AKAP1: variants seen among roughly 807,000 people sequenced by gnomAD.
The protein encoded by AKAP1 is A-kinase anchoring protein 1, also known as A-kinase anchor protein 1, mitochondrial.
AKAP1 carries 32 observed loss-of-function variants against 79.8 expected under a neutral mutation model. The observed-to-expected ratio is 0.40, with a 90% CI of 0.30 to 0.54. AKAP1 has a LOEUF of 0.54. Ranked by LOEUF, AKAP1 falls within the 20% of genes least tolerant of loss-of-function variation. The pLI is 0.47. For missense variants in AKAP1, 961 were observed against 1,138.9 expected, an observed-to-expected ratio of 0.84 and a Z score of 2.25; for synonymous variants, 416 against 466.7, an observed-to-expected ratio of 0.89 and a Z score of 1.40.
rs1055134471 is a variant in AKAP1, at chr17:57,105,684, G to A, written c.220G>A (p.Val74Ile). The change falls in exon 2 of 11, where the codon GTC (valine) becomes ATC (isoleucine). Residue 74 changes from valine to isoleucine, a missense_variant. Physicochemically the swap from Val to Ile is conservative, Grantham distance 29. Transcript: ENST00000337714. ...CAAAGTAGTGTCCACACCCCCCAGT[G>A]TCACAGAGCCTCCAGAAAAGGAACT... ...CPKVVSTPPS[V>I]TEPPEKELST... 1.2e-6 allele frequency: 2 copies of A among 1,614,032 alleles called. No homozygotes were observed. The highest frequency in any genetic ancestry group is 1.7e-5 in the Admixed American group (1 of 59,998).
chr17:57,114,168 C>T (rs1023147201), intron 5 of AKAP1, among the ~76,000 whole-genome samples: 3 of 152,290 alleles, frequency 2.0e-5, no homozygotes, highest in East Asian at 1.9e-4. Flanking sequence ...GCACTACCTC[C>T]GCAGTTGCTT....
intron 10 of AKAP1, 45 bp from the exon 11 acceptor site, chr17:57,120,205 C>G: frequency 6.3e-7 from 1 of 1,578,380 alleles, no homozygotes; most frequent in Non-Finnish European, 8.7e-7. Context: ...GGAGATGGCC[C>G]CAGGATGCCA....
In AKAP1 at chr17:57,107,019, T is replaced by C. The variant is rs757069789; in HGVS notation, c.1555T>C (p.Ser519Pro). 1 of 1,614,108 alleles carries C rather than the reference T, an allele frequency of 6.2e-7. No homozygotes were observed. The highest frequency in any genetic ancestry group is 8.5e-7 in the Non-Finnish European group (1 of 1,180,014). ...TTTCAGCACTTCAGGGCTTGAAGACTCTTGCACAGAGACCAGCTCGAGCCC... is the reference window on the plus strand; with the variant it reads ...TTTCAGCACTTCAGGGCTTGAAGACCCTTGCACAGAGACCAGCTCGAGCCC... The part of the protein sequence containing the change: ...DSFSTSGLED[S>P]CTETSSSPRD... The change falls in exon 2 of 11, where the codon TCT (serine) becomes CCT (proline). Residue 519 changes from serine to proline, a missense_variant. Ser to Pro is a moderately conservative substitution (Grantham distance 74). Transcript: ENST00000337714.
At chr17:57,118,938 A>G (rs1197307200) in intron 9 of AKAP1, 44 bp from the exon 10 acceptor site, 1 of 1,587,722 alleles carries the variant, frequency 6.3e-7, no homozygotes, top group Admixed American at 1.7e-5. Context: ...TTGAGTGGGG[A>G]CACAAAACCT....
intron 1 of AKAP1, among the ~76,000 whole-genome samples, chr17:57,097,528 A>C (rs1914198593): frequency 6.6e-6 from 1 of 152,192 alleles, no homozygotes; most frequent in Admixed American, 6.5e-5. Flanking sequence ...ACTCCCATGG[A>C]AGGGAGTATG....
chr17:57,117,764 G>A (rs370912344), intron 8 of AKAP1, among the ~76,000 whole-genome samples: 2 of 152,114 alleles, frequency 1.3e-5, no homozygotes, highest in Admixed American at 6.5e-5. Context: ...AGATTTTCCC[G>A]GATCTTCCTT....
At chr17:57,118,551 C>A in intron 9 of AKAP1, 97 bp downstream of exon 9, 1 of 1,261,394 alleles carries the variant, frequency 7.9e-7, no homozygotes, top group Non-Finnish European at 1.1e-6. Flanking sequence ...CTGGATTGAC[C>A]AGCAGTATTT....
chr17:57,120,361 G>T lies in AKAP1; in HGVS notation c.*37G>T. The T allele has an allele frequency of 6.3e-7, 1 of 1,575,130 alleles. No homozygotes were observed. Among genetic ancestry groups the T allele is most frequent in the Non-Finnish European group, 8.7e-7 (1 of 1,154,780 alleles). On this transcript the variant is annotated 3_prime_UTR_variant, in exon 11 of 11. Coordinates refer to ENST00000337714, the MANE Select transcript of AKAP1 (RefSeq NM_003488.4). ...CTTCCTGAGAGTCTTTTTTTGCACTGTTGAAATTGGGCTTGGCACTCAAGT... is the reference window on the plus strand; with the variant it reads ...CTTCCTGAGAGTCTTTTTTTGCACTTTTGAAATTGGGCTTGGCACTCAAGT...
intron 2 of AKAP1, chr17:57,108,160 C>A: frequency 2.2e-6 from 1 of 448,600 alleles, no homozygotes; most frequent in Non-Finnish European, 3.3e-6. Context: ...GTCCTGGAGC[C>A]ATTCCCTCCC....
intron 8 of AKAP1, 150 bp from the exon 9 acceptor site, chr17:57,118,231 C>T (rs1915705821): frequency 1.5e-6 from 1 of 678,682 alleles, no homozygotes; most frequent in Admixed American, 2.3e-5. Context: ...TAGGCTCTGT[C>T]TCTGACCTGG....
At position 57,116,200 on chromosome 17, in the gene AKAP1, A is replaced by T; in HGVS notation, c.2371A>T (p.Ile791Phe). Residue 791 changes from isoleucine to phenylalanine, a missense_variant, in exon 7 of 11, where the codon ATT becomes TTT. Ile to Phe is a conservative substitution (Grantham distance 21). Coordinates refer to ENST00000337714, the MANE Select transcript of AKAP1 (RefSeq NM_003488.4). ...CTACGAGGAGACCAACGAAGTGGAG[A>T]TTCGATACGTGGACTACGGCGGATA... ...ASYEETNEVEIRYVDYGGYKR... is the reference protein window; with the variant it reads ...ASYEETNEVEFRYVDYGGYKR... The T allele has an allele frequency of 6.2e-7, 1 of 1,614,182 alleles. No homozygotes were observed. The highest frequency in any genetic ancestry group is 8.5e-7 in the Non-Finnish European group (1 of 1,180,032).
chr17:57,096,103 C>G (rs527523061), intron 1 of AKAP1: 12 of 152,324 alleles, frequency 7.9e-5, no homozygotes, highest in Non-Finnish European at 7.3e-5. Flanking sequence ...TGGATTTGGC[C>G]AGCAGAGCAG....
intron 4 of AKAP1, 123 bp downstream of exon 4, chr17:57,112,047 G>A: frequency 7.7e-7 from 1 of 1,300,540 alleles, no homozygotes. Context: ...CCAGGGAAGG[G>A]AGCATTAGGT....
Position 57,118,972 on chromosome 17 carries a change from C to G in AKAP1, c.2575-10C>G, listed in dbSNP as rs200645805. 9.0e-5 allele frequency: 145 copies of G among 1,613,036 alleles called. No homozygotes were observed. Among genetic ancestry groups the G allele is most frequent in the African/African-American group, 4.1e-4 (31 of 75,016 alleles). On this transcript the variant is annotated splice_polypyrimidine_tract_variant and intron_variant, in intron 9 of 10. Coordinates refer to ENST00000337714, the MANE Select transcript of AKAP1 (RefSeq NM_003488.4). ...CTAACCATATTATTCTTTCCACCCC[C>G]CTTCTTCAGGTGACAAGTTACAGTC...
At chr17:57,115,338 G>A (rs1159357252) in intron 6 of AKAP1, among the ~76,000 whole-genome samples, 2 of 152,222 alleles carry the variant, frequency 1.3e-5, no homozygotes, top group Non-Finnish European at 2.9e-5. Context: ...TAAGGACTTA[G>A]TTTTCATTGG....
chr17:57,113,112 A>C (rs1915352274), intron 5 of AKAP1, among the ~76,000 whole-genome samples: 1 of 152,120 alleles, frequency 6.6e-6, no homozygotes, highest in Admixed American at 6.5e-5. Context: ...AGAAGAATGA[A>C]TACTCCCCAC....
chr17:57,105,403 T>C (rs1412204470), intron 1 of AKAP1, 38 bp from the exon 2 acceptor site: 2 of 1,598,608 alleles, frequency 1.3e-6, no homozygotes, highest in South Asian at 2.2e-5. Flanking sequence ...TACCTGGCTC[T>C]GTAACATCCC....
At chr17:57,091,458 G>A (rs1344174741) in intron 1 of AKAP1, among the ~76,000 whole-genome samples, 1 of 151,478 alleles carries the variant, frequency 6.6e-6, no homozygotes, top group African/African-American at 2.4e-5. Context: ...AGGGGTGTGT[G>A]GAGGGGGTGG....
chr17:57,105,085 A>C (rs1274044929), intron 1 of AKAP1, among the ~76,000 whole-genome samples: 1 of 152,234 alleles, frequency 6.6e-6, no homozygotes, highest in Non-Finnish European at 1.5e-5. Context: ...AGTTTAGAGA[A>C]CTGAGCCACA....
Sources: gnomAD v4.1 joint callset for allele counts (sites outside exome capture counted in the v4.1 genomes callset) on GRCh38, gnomAD v4.1.1 for gene constraint, MANE v1.5 for transcripts, NCBI Gene and HGNC (gene_info 2026-07-23, HGNC 2026-07-21) for gene names.